The following ZNF329 variants were observed in gnomAD, a reference collection of about 807,000 sequenced individuals.
ZNF329 encodes the protein zinc finger protein 329.
ZNF329 carries 15 observed loss-of-function variants against 26.6 expected under a neutral mutation model. The ratio of observed to expected loss-of-function variants is 0.56; its 90% CI spans 0.38 to 0.87. ZNF329 has a LOEUF of 0.87. Ranked by LOEUF, ZNF329 falls within the 40% of genes least tolerant of loss-of-function variation. The probability of loss-of-function intolerance (pLI) is 0.00; values close to 1 mark genes in which losing one functional copy is unlikely to be tolerated. For synonymous variants in ZNF329, 239 were observed against 233.5 expected, an observed-to-expected ratio of 1.02 and a Z score of -0.21; for missense variants, 651 against 651.9, an observed-to-expected ratio of 1.00 and a Z score of 0.02.
At chr19:58,132,216 AGT>A (rs1329181851) in intron 3 of ZNF329, 1 of 152,208 alleles carries the variant, frequency 6.6e-6, no homozygotes, top group Non-Finnish European at 1.5e-5. Flanking sequence ...GGGCTTGGAA[AGT>A]GGTCAGCGTG....
chr19:58,141,165 C>CA (rs1014124270), intron 3 of ZNF329, among the ~76,000 whole-genome samples: 1 of 145,418 alleles, frequency 6.9e-6, no homozygotes, highest in Non-Finnish European at 1.5e-5. Flanking sequence ...CTAAATTTTT[C>CA]TTTTTTTTTT....
At chr19:58,150,440 G>C (rs2075424882) in intron 1 of ZNF329, among the ~76,000 whole-genome samples, 1 of 152,224 alleles carries the variant, frequency 6.6e-6, no homozygotes, top group Non-Finnish European at 1.5e-5. Context: ...TGGGAGGGCG[G>C]GCTAGAGATG....
chr19:58,152,584 G>A (rs186550761), upstream of ZNF329, among the ~76,000 whole-genome samples: 108 of 152,214 alleles, frequency 7.1e-4, 2 homozygotes, highest in African/African-American at 2.4e-3. Flanking sequence ...GAGACCGGAC[G>A]CGGTGGCTCA....
chr19:58,146,534 C>T (rs1255109143), intron 1 of ZNF329, among the ~76,000 whole-genome samples: 1 of 150,964 alleles, frequency 6.6e-6, no homozygotes, highest in Non-Finnish European at 1.5e-5. Context: ...TCCCTCTCCC[C>T]CTCCCCCTCT....
intron 3 of ZNF329, among the ~76,000 whole-genome samples, chr19:58,135,346 T>C (rs1005539400): frequency 9.9e-5 from 15 of 152,020 alleles, no homozygotes; most frequent in African/African-American, 3.1e-4. Flanking sequence ...TCTCGGCTCA[T>C]TGCAACCTCT....
At chr19:58,143,882 A>C (rs1438364695) in intron 1 of ZNF329, among the ~76,000 whole-genome samples, 3 of 152,032 alleles carry the variant, frequency 2.0e-5, no homozygotes, top group Non-Finnish European at 4.4e-5. Flanking sequence ...GGAGTTCGAG[A>C]CCAGCCTGGC....
At position 58,131,622 on chromosome 19, in the gene ZNF329, A is replaced by G. The variant is rs183386556; in HGVS notation, c.-8-2111T>C. On this transcript the variant is annotated intron_variant, in intron 3 of 3. Transcript: ENST00000598312. Reference sequence around the variant, plus strand: ...GAGAAAATAAGATTTAAAAGCACAAAGAATTACTGCCCAAGAACTACAGAG... The same window carrying G: ...GAGAAAATAAGATTTAAAAGCACAAGGAATTACTGCCCAAGAACTACAGAG... Among the ~76,000 whole-genome samples, 4 of 152,336 alleles carry G rather than the reference A, an allele frequency of 2.6e-5. No homozygotes were observed. In the East Asian group the frequency reaches 7.7e-4, roughly 29 times the overall value.
At chr19:58,144,897 T>G (rs1271019360) in intron 1 of ZNF329, among the ~76,000 whole-genome samples, 1 of 149,082 alleles carries the variant, frequency 6.7e-6, no homozygotes, top group Non-Finnish European at 1.5e-5. Flanking sequence ...TCACCCAGGC[T>G]GGAGTGCAGT....
At chr19:58,139,113 T>C (rs190314326) in intron 3 of ZNF329, among the ~76,000 whole-genome samples, 1 of 152,290 alleles carries the variant, frequency 6.6e-6, no homozygotes. Context: ...ACCAAGGCTG[T>C]GATTACGTCT....
chr19:58,137,115 T>C (rs2075089298), intron 3 of ZNF329: 1 of 152,656 alleles, frequency 6.6e-6, no homozygotes, highest in South Asian at 2.1e-4. Flanking sequence ...TATGTAGTTG[T>C]ACTTTTAGGG....
chr19:58,128,833 G>A lies in ZNF329; in HGVS notation c.671C>T (p.Thr224Ile). The part of the protein sequence containing the change: ...RNSSLVLHHR[T>I]HTGEKPYTCN... ...AGTATAAGGCTTCTCTCCGGTGTGA[G>A]TTCGGTGATGCAAAACAAGAGAAGA... The change falls in exon 4 of 4, where the codon ACT becomes ATT. Residue 224 changes from threonine to isoleucine, a missense_variant. Thr to Ile is a moderately conservative substitution (Grantham distance 89). Coordinates refer to ENST00000598312, the MANE Select transcript of ZNF329 (RefSeq NM_024620.4). 6.2e-7 allele frequency: 1 copy of A among 1,609,810 alleles called. No individual in the cohort carries two copies. The highest frequency in any genetic ancestry group is 1.3e-5 in the African/African-American group (1 of 74,746).
chr19:58,154,700 C>G (rs1400346246), upstream of ZNF329: 1 of 151,890 alleles, frequency 6.6e-6, no homozygotes, highest in Admixed American at 6.5e-5. Context: ...AGACCACCCC[C>G]CCCCCCGCCC....
rs185903971 is a variant in ZNF329 at position 58,139,027 on chromosome 19, C to G, written c.-9+3530G>C. On this transcript the variant is annotated intron_variant, in intron 3 of 3. Transcript: ENST00000598312. ...AAATCAGACATATACAGGGTGATAT[C>G]ATTTATGGAATTTCTTCAGACACAC... Among the ~76,000 whole-genome samples, 490 of 151,608 alleles carry G rather than the reference C, an allele frequency of 3.2e-3. 2 individuals carry two copies. The highest frequency in any genetic ancestry group is 5.8e-3 in the Non-Finnish European group (393 of 67,784).
rs111612461 is a variant in ZNF329, at chr19:58,138,665, G to A, written c.-9+3892C>T. Reference sequence around the variant, plus strand: ...ACAAGGGACTTGAAAGCACCTCCCCGCACGTTTGTGAAGGGAAGATGCACA... The same window carrying A: ...ACAAGGGACTTGAAAGCACCTCCCCACACGTTTGTGAAGGGAAGATGCACA... On this transcript the variant is annotated intron_variant, in intron 3 of 3. Transcript: ENST00000598312. Among the ~76,000 whole-genome samples, 38 of 152,292 alleles carry A rather than the reference G, an allele frequency of 2.5e-4. No individual in the cohort carries two copies. The East Asian group carries it at 5.6e-3, about 22-fold the overall frequency.
Position 58,130,196 on chromosome 19 carries a change from G to A in ZNF329, c.-8-685C>T, listed in dbSNP as rs2074906097. On this transcript the variant is annotated intron_variant, in intron 3 of 3. Coordinates refer to ENST00000598312, the MANE Select transcript of ZNF329 (RefSeq NM_024620.4). ...AAATCAGCCAGGCGTGGTGGCACATGCCTGTAGTCCCAGCTACTCTGGAGG... is the reference window on the plus strand; with the variant it reads ...AAATCAGCCAGGCGTGGTGGCACATACCTGTAGTCCCAGCTACTCTGGAGG... Among the ~76,000 whole-genome samples, 3 of 151,988 alleles carry A rather than the reference G, an allele frequency of 2.0e-5. No individual in the cohort carries two copies. The South Asian group carries it at 6.2e-4, about 32-fold the overall frequency.
Position 58,147,837 on chromosome 19 carries a change from G to A in ZNF329, c.-208+2915C>T, listed in dbSNP as rs1051555482. Reference sequence around the variant, plus strand: ...AGGTGAGGGGCGCCTCTGCCCAGCCGCCCCTACTGGGAAGTGAGGAGCCCC... The same window carrying A: ...AGGTGAGGGGCGCCTCTGCCCAGCCACCCCTACTGGGAAGTGAGGAGCCCC... On this transcript the variant is annotated intron_variant, in intron 1 of 3. Coordinates refer to ENST00000598312, the MANE Select transcript of ZNF329 (RefSeq NM_024620.4). 1.2e-3 allele frequency among the ~76,000 whole-genome samples: 176 copies of A among 150,702 alleles called. 1 individual carries two copies. Among genetic ancestry groups the A allele is most frequent in the Non-Finnish European group, 2.2e-3 (149 of 67,924 alleles).
intron 3 of ZNF329, among the ~76,000 whole-genome samples, chr19:58,135,271 ATTT>A (rs1213264219): frequency 1.3e-5 from 2 of 151,190 alleles, no homozygotes; most frequent in African/African-American, 2.4e-5. Context: ...TATTTTATCT[ATTT>A]AATTTTTTTT....
intron 3 of ZNF329, among the ~76,000 whole-genome samples, chr19:58,142,075 A>T (rs1325996278): frequency 1.3e-5 from 2 of 152,058 alleles, no homozygotes; most frequent in African/African-American, 2.4e-5. Context: ...AAAATAAAAT[A>T]AAAAAAGACC....
chr19:58,154,704 C>CA (rs1357842911), upstream of ZNF329: 1 of 151,998 alleles, frequency 6.6e-6, no homozygotes, highest in Non-Finnish European at 1.5e-5. Context: ...CACCCCCCCC[C>CA]CCGCCCCAGG....
Sources: gnomAD v4.1 joint callset for allele counts (sites outside exome capture counted in the v4.1 genomes callset) on GRCh38, gnomAD v4.1.1 for gene constraint, MANE v1.5 for transcripts, NCBI Gene and HGNC (gene_info 2026-07-23, HGNC 2026-07-21) for gene names.